Variants in COPB2 observed in about 807,000 individuals in gnomAD.
COPB2 encodes the protein coat protein complex I subunit beta 2.
A neutral mutation model predicts 120.8 loss-of-function variants in COPB2; 16 were observed. That is an observed-to-expected ratio of 0.13 (90% CI 0.09 to 0.20). COPB2 has a LOEUF of 0.20. Among genes scored for constraint, COPB2 ranks in the 10% least tolerant of loss-of-function variants. COPB2 has a pLI of 1.00. For synonymous variants in COPB2, 332 were observed against 366.3 expected (o/e 0.91, Z 1.07); for missense variants, 794 against 1,076.5 (o/e 0.74, Z 3.67).
intron 9 of COPB2, among the ~76,000 whole-genome samples, chr3:139,372,533 A>G (rs1219237997): frequency 6.6e-6 from 1 of 152,240 alleles, no homozygotes; most frequent in Non-Finnish European, 1.5e-5. Context: ...CCTTTATAAG[A>G]CAATTATATT....
At chr3:139,359,930 CATT>C (rs1303939404) in intron 17 of COPB2, among the ~76,000 whole-genome samples, 2 of 152,166 alleles carry the variant, frequency 1.3e-5, no homozygotes, top group East Asian at 3.9e-4. Flanking sequence ...AAGCCACAAA[CATT>C]AATACTGCAA....
At position 139,376,802 on chromosome 3, in the gene COPB2, C is replaced by T. The variant is rs184896496; in HGVS notation, c.505-1188G>A. 1.2e-3 allele frequency among the ~76,000 whole-genome samples: 177 copies of T among 152,284 alleles called. 2 individuals are homozygous for T. The highest frequency in any genetic ancestry group is 3.8e-3 in the African/African-American group (156 of 41,564). On this transcript the variant is annotated intron_variant, in intron 5 of 21. Transcript: ENST00000333188. ...TCTCGCTCTGTCCCCCAAGTTGGAG[C>T]GCAGTGGCGCAATCTCGGCTCACTG... is the stretch of plus-strand genomic sequence containing the variant.
At chr3:139,384,641 T>A (rs1474871714) in intron 1 of COPB2, among the ~76,000 whole-genome samples, 1 of 152,256 alleles carries the variant, frequency 6.6e-6, no homozygotes, top group Non-Finnish European at 1.5e-5. Context: ...AACTGCTTTA[T>A]GCATACTCCC....
At chr3:139,365,006 T>C (rs1009234917) in intron 15 of COPB2, among the ~76,000 whole-genome samples, 1 of 152,208 alleles carries the variant, frequency 6.6e-6, no homozygotes. Context: ...CGAGAAACTT[T>C]TATCTATAAA....
chr3:139,357,620 C>A lies in COPB2; in HGVS notation c.*243G>T. On this transcript the variant is annotated 3_prime_UTR_variant, in exon 22 of 22. Transcript: ENST00000333188. ...TTCAAAAGGTTTTATGAGATATGGT[C>A]TAATAGTATGAAAAAAATCAAAGCC... 2 of 358,432 alleles carry A rather than the reference C, an allele frequency of 5.6e-6. No individual in the cohort carries two copies. The highest frequency in any genetic ancestry group is 5.0e-6 in the Non-Finnish European group (1 of 201,114). The allele number at this position is 358,432 out of a possible 1,614,324, so 22.2% of individuals were successfully genotyped here. A position where few individuals can be genotyped will look rare whatever the true frequency, so the allele number is the denominator to read the frequency against.
chr3:139,369,159 G>C (rs1029079251), intron 12 of COPB2, 102 bp downstream of exon 12: 33 of 749,056 alleles, frequency 4.4e-5, no homozygotes, highest in Non-Finnish European at 6.7e-5. Flanking sequence ...TTTGATAATC[G>C]AAGAGGGAGA....
At position 139,362,903 on chromosome 3, in the gene COPB2, G is replaced by A. The variant is rs570828617; in HGVS notation, c.1885-386C>T. Among the ~76,000 whole-genome samples, 11 of 152,376 alleles carry A rather than the reference G, an allele frequency of 7.2e-5. No individual in the cohort carries two copies. The South Asian group carries it at 2.3e-3, about 32-fold the overall frequency. On this transcript the variant is annotated intron_variant, in intron 15 of 21. Coordinates refer to ENST00000333188, the MANE Select transcript of COPB2 (RefSeq NM_004766.3). ...CAAAAGAAGAAAACTAGGCACAGCA[G>A]TGTAAACTTAGCTGTTGGTAATCTA...
At chr3:139,377,016 T>G (rs1019151236) in intron 5 of COPB2, among the ~76,000 whole-genome samples, 4 of 152,202 alleles carry the variant, frequency 2.6e-5, no homozygotes, top group Admixed American at 2.6e-4. Flanking sequence ...CCCAAAGTGC[T>G]GGGATTACAG....
chr3:139,367,175 T>G, intron 13 of COPB2, 30 bp from the exon 14 acceptor site: 1 of 1,606,494 alleles, frequency 6.2e-7, no homozygotes, highest in Non-Finnish European at 8.5e-7. Context: ...GACAATTACT[T>G]TATCCAACAT....
intron 15 of COPB2, among the ~76,000 whole-genome samples, chr3:139,362,866 C>T (rs1379860346): frequency 6.6e-6 from 1 of 151,978 alleles, no homozygotes; most frequent in Non-Finnish European, 1.5e-5. Context: ...GTTGACTAAA[C>T]AAGAATCATT....
rs530620895 is a variant in COPB2 at position 139,380,708 on chromosome 3, ACT to A, written c.142-1244_142-1243del. The A allele has an allele frequency of 1.1e-4, 16 of 152,330 alleles. No individual in the cohort carries two copies. In the East Asian group the frequency reaches 3.1e-3, roughly 29 times the overall value. The allele number at this position is 152,330 out of a possible 1,614,324, so 9.4% of individuals were successfully genotyped here. ...GGGACCGGTTCATAAGAACTGTCCT[ACT>A]CTGACTTTTCAAGCCAGAGTTCAAA... On this transcript the variant is annotated intron_variant, in intron 2 of 21. Transcript: ENST00000333188.
At chr3:139,389,165 A>C (rs999411810) in intron 1 of COPB2, among the ~76,000 whole-genome samples, 1 of 152,228 alleles carries the variant, frequency 6.6e-6, no homozygotes, top group Non-Finnish European at 1.5e-5. Context: ...AATAAGCCCA[A>C]CAGGAGTGTA....
At chr3:139,367,328 C>T (rs541371533) in intron 13 of COPB2, among the ~76,000 whole-genome samples, 183 bp from the exon 14 acceptor site, 108 of 150,986 alleles carry the variant, frequency 7.2e-4, no homozygotes, top group Admixed American at 1.4e-3. Context: ...TCTCTGTTGC[C>T]CAGGCTGTAG....
chr3:139,376,172 G>A (rs773852103), intron 5 of COPB2, among the ~76,000 whole-genome samples: 4 of 152,274 alleles, frequency 2.6e-5, no homozygotes, highest in South Asian at 2.1e-4. Context: ...CAGGAGGATC[G>A]CTTTAGCCCA....
At chr3:139,368,339 T>C in intron 12 of COPB2, 51 bp from the exon 13 acceptor site, 6 of 1,556,318 alleles carry the variant, frequency 3.9e-6, no homozygotes, top group Non-Finnish European at 4.4e-6. Flanking sequence ...TGAGTGGATA[T>C]GACAAACTGC....
In COPB2 at chr3:139,358,755, T is replaced by C. The variant is rs1168880891; in HGVS notation, c.2542A>G (p.Thr848Ala). Residue 848 changes from threonine to alanine, a missense_variant, in exon 20 of 22, where the codon ACA becomes GCA. Transcript: ENST00000333188. ...AGTGCTCTACTGACCTGTTGAGCTG[T>C]AGATCTTGAGGGCTGAAAGTCTTTT... ...EGKDFQPSRS[T>A]AQQELDGKPA... The C allele has an allele frequency of 1.9e-6, 3 of 1,611,696 alleles. No individual in the cohort carries two copies. The highest frequency in any genetic ancestry group is 2.5e-6 in the Non-Finnish European group (3 of 1,177,868).
rs1283290340 is a variant in COPB2, at chr3:139,373,785, T to C, written c.775A>G (p.Ser259Gly). ...AGTGTGCTCTCAAGCCGGTAGGTGC[T>C]TGAATGCCAAATACGTACTGTTCCT... ...EDGTVRIWHS[S>G]TYRLESTLNY... Residue 259 changes from serine to glycine, a missense_variant, in exon 8 of 22, where the codon AGC becomes GGC. Around this residue, in one of 3 missense-constraint regions of COPB2, gnomAD observed 610 missense variants for 866.7 expected, o/e 0.70. Transcript: ENST00000333188. 1.2e-6 allele frequency: 2 copies of C among 1,614,114 alleles called. No individual in the cohort carries two copies. Among genetic ancestry groups the C allele is most frequent in the South Asian group, 1.1e-5 (1 of 91,078 alleles).
chr3:139,383,342 T>G lies in COPB2; in HGVS notation c.97A>C (p.Ser33Arg). Reference protein sequence around the residue: ...LHPTEPWMLASLYNGSVCVWN... With the variant: ...LHPTEPWMLARLYNGSVCVWN... ...ACACACACACTGCCATTGTAAAGACTTGCCAACATCCATGGCTCTGTAGGA... is the reference window on the plus strand; with the variant it reads ...ACACACACACTGCCATTGTAAAGACGTGCCAACATCCATGGCTCTGTAGGA... The change falls in exon 2 of 22, where the codon AGT (serine) becomes CGT (arginine). Residue 33 changes from serine (S) to arginine (R), a missense_variant. Ser to Arg is a moderately radical substitution (Grantham distance 110). Around this residue, in one of 3 missense-constraint regions of COPB2, gnomAD observed 610 missense variants for 866.7 expected, o/e 0.70. Coordinates refer to ENST00000333188, the MANE Select transcript of COPB2 (RefSeq NM_004766.3). 6.2e-7 allele frequency: 1 copy of G among 1,613,980 alleles called. No homozygotes were observed. The highest frequency in any genetic ancestry group is 8.5e-7 in the Non-Finnish European group (1 of 1,179,912).
chr3:139,358,730 A>G lies in COPB2; in HGVS notation c.2553+14T>C. 1.3e-6 allele frequency: 2 copies of G among 1,581,308 alleles called. No homozygotes were observed. The highest frequency in any genetic ancestry group is 8.7e-7 in the Non-Finnish European group (1 of 1,151,426). ...CATCTCAGCCAAATTTATCACATGA[A>G]GTGCTCTACTGACCTGTTGAGCTGT... On this transcript the variant is annotated intron_variant, in intron 20 of 21. Coordinates refer to ENST00000333188, the MANE Select transcript of COPB2 (RefSeq NM_004766.3).
Sources: gnomAD v4.1 joint callset for allele counts (sites outside exome capture counted in the v4.1 genomes callset) on GRCh38, gnomAD v4.1.1 for gene constraint, gnomAD v4.1.1 regional missense constraint, MANE v1.5 for transcripts, NCBI Gene and HGNC (gene_info 2026-07-23, HGNC 2026-07-21) for gene names.